RPGR: variants seen among roughly 807,000 people sequenced by gnomAD.
The protein encoded by RPGR is X-linked retinitis pigmentosa GTPase regulator.
RPGR carries 10 observed loss-of-function variants against 56.3 expected under a neutral mutation model. That is an observed-to-expected ratio of 0.18 (90% CI 0.11 to 0.30). The LOEUF (loss-of-function observed/expected upper bound fraction) is 0.30. RPGR is among the 10% of genes least tolerant of loss of function. The pLI is 1.00. For missense variants in RPGR, 538 were observed against 590.9 expected, an observed-to-expected ratio of 0.91 and a Z score of 0.93; for synonymous variants, 197 against 212.9, an observed-to-expected ratio of 0.93 and a Z score of 0.65.
intron 13 of RPGR, among the ~76,000 whole-genome samples, chrX:38,289,501 G>T (rs2067247317): frequency 8.9e-6 from 1 of 112,008 alleles, no homozygotes; most frequent in African/African-American, 3.2e-5. Flanking sequence ...CAAGCTAATG[G>T]ATGCAAATAT....
intron 8 of RPGR, chrX:38,303,860 T>G: frequency 3.4e-6 from 1 of 296,074 alleles, no homozygotes; most frequent in Non-Finnish European, 5.9e-6. Flanking sequence ...AGTACATGGA[T>G]TACGTCAATA....
chrX:38,314,775 T>C (rs1218588193), intron 6 of RPGR, among the ~76,000 whole-genome samples: 1 of 112,012 alleles, frequency 8.9e-6, no homozygotes, highest in Non-Finnish European at 1.9e-5. Context: ...GTGAAAAATC[T>C]GTAGGAAGTC....
intron 3 of RPGR, among the ~76,000 whole-genome samples, chrX:38,321,548 G>A (rs2067940609): frequency 9.1e-6 from 1 of 109,800 alleles, no homozygotes; most frequent in African/African-American, 3.3e-5. Context: ...CAGCTATTCG[G>A]GGAGGGGGTG....
chrX:38,273,757 C>A, intron 17 of RPGR: 1 of 206,615 alleles, frequency 4.8e-6, no homozygotes. Flanking sequence ...CTGTAAAATA[C>A]AAATTACTTT....
At chrX:38,290,133 T>C (rs1405569300) in intron 13 of RPGR, among the ~76,000 whole-genome samples, 1 of 112,451 alleles carries the variant, frequency 8.9e-6, no homozygotes. Flanking sequence ...TATGATTCTC[T>C]TGCACTTCAG....
intron 6 of RPGR, among the ~76,000 whole-genome samples, chrX:38,316,715 T>C (rs1342708129): frequency 8.9e-6 from 1 of 111,755 alleles, no homozygotes; most frequent in Non-Finnish European, 1.9e-5. Context: ...TCTCTTGGTA[T>C]CATGCTGCTA....
chrX:38,305,470 A>T (rs914903016), intron 7 of RPGR, among the ~76,000 whole-genome samples: 1 of 110,564 alleles, frequency 9.0e-6, no homozygotes, highest in Non-Finnish European at 1.9e-5. Context: ...CAAATAAAAA[A>T]GTGAATAGTG....
At chrX:38,280,054 G>A (rs1002886030) in intron 15 of RPGR, among the ~76,000 whole-genome samples, 35 of 110,760 alleles carry the variant, frequency 3.2e-4, no homozygotes, top group African/African-American at 1.1e-3. Flanking sequence ...AATCACTCAT[G>A]GCCTGAGCAT....
chrX:38,283,304 G>C (rs1283208440), intron 15 of RPGR, among the ~76,000 whole-genome samples: 1 of 112,015 alleles, frequency 8.9e-6, no homozygotes, highest in Non-Finnish European at 1.9e-5. Context: ...ATAACTACTA[G>C]TTAGTTTGAA....
At chrX:38,310,507 T>C (rs2067693189) in intron 7 of RPGR, 108 bp downstream of exon 7, 5 of 735,295 alleles carry the variant, frequency 6.8e-6, no homozygotes, top group Non-Finnish European at 8.0e-6. Flanking sequence ...GTAGTTCTCA[T>C]AGTATTCTTA....
chrX:38,327,082 T>A, intron 1 of RPGR: 2 of 330,211 alleles, frequency 6.1e-6, no homozygotes. Flanking sequence ...AAAGTGTCCC[T>A]GCCTTCAAGA....
intron 18 of RPGR, among the ~76,000 whole-genome samples, chrX:38,273,050 GGC>G (rs1449651113): frequency 8.9e-6 from 1 of 111,970 alleles, no homozygotes; most frequent in African/African-American, 3.2e-5. Flanking sequence ...CTAAGGTCCT[GGC>G]ATTATTTGGG....
chrX:38,303,665 C>T (rs761050001), intron 8 of RPGR: 1 of 291,109 alleles, frequency 3.4e-6, no homozygotes, highest in East Asian at 4.8e-5. Flanking sequence ...CTCAAGAACA[C>T]TGATACTTGA....
At chrX:38,295,526 T>C (rs2067361006) in intron 11 of RPGR, among the ~76,000 whole-genome samples, 1 of 112,314 alleles carries the variant, frequency 8.9e-6, no homozygotes, top group South Asian at 3.7e-4. Flanking sequence ...AAACCATAAA[T>C]GTATTTTTTC....
chrX:38,310,804 T>C, intron 6 of RPGR, 31 bp from the exon 7 acceptor site: 1 of 1,194,142 alleles, frequency 8.4e-7, no homozygotes, highest in South Asian at 1.8e-5. Flanking sequence ...TGATTAGTGA[T>C]GACATACATA....
chrX:38,298,845 G>A (rs1393284584), intron 10 of RPGR, 111 bp downstream of exon 10: 7 of 829,003 alleles, frequency 8.4e-6, no homozygotes, highest in Non-Finnish European at 1.2e-5. Context: ...ATTTTATGTA[G>A]CAAATTTATC....
chrX:38,312,510 A>C (rs949855397), intron 6 of RPGR, among the ~76,000 whole-genome samples: 53 of 111,810 alleles, frequency 4.7e-4, no homozygotes, highest in African/African-American at 1.5e-3. Flanking sequence ...ATCAAGTACA[A>C]ACTGCAGACT....
chrX:38,285,132 T>C, intron 15 of RPGR: 1 of 764,285 alleles, frequency 1.3e-6, no homozygotes, highest in Non-Finnish European at 1.6e-6. Flanking sequence ...TGCTAACATA[T>C]TTATAAGAAA....
At chrX:38,299,835 TTATA>T (rs1484998713) in intron 9 of RPGR, among the ~76,000 whole-genome samples, 1 of 111,839 alleles carries the variant, frequency 8.9e-6, no homozygotes, top group Non-Finnish European at 1.9e-5. Flanking sequence ...AATTTTAAAT[TTATA>T]TATATTTTTG....
Sources: allele counts gnomAD v4.1 joint callset (sites outside exome capture counted in the v4.1 genomes callset), GRCh38; gene constraint gnomAD v4.1.1; transcripts MANE v1.5; gene names NCBI Gene and HGNC (gene_info 2026-07-23, HGNC 2026-07-21).